DYNC2H1: variants seen among roughly 807,000 people sequenced by gnomAD.
The protein encoded by DYNC2H1 is cytoplasmic dynein 2 heavy chain 1.
Under a neutral mutation model 570.0 loss-of-function variants are expected in DYNC2H1, and 410 were observed. The ratio of observed to expected loss-of-function variants is 0.72; its 90% CI spans 0.66 to 0.78. DYNC2H1 has a LOEUF of 0.78. Among genes scored for constraint, DYNC2H1 ranks in the 30% least tolerant of loss-of-function variants. DYNC2H1 has a pLI of 0.00. For synonymous variants in DYNC2H1, 1,688 were observed against 1,677.6 expected, an observed-to-expected ratio of 1.01 and a Z score of -0.15; for missense variants, 4,865 against 5,046.4, an observed-to-expected ratio of 0.96 and a Z score of 1.09.
intron 45 of DYNC2H1, among the ~76,000 whole-genome samples, chr11:103,190,135 A>T (rs1284201828): frequency 6.6e-6 from 1 of 152,194 alleles, no homozygotes; most frequent in East Asian, 1.9e-4. Flanking sequence ...CCTGACTTCT[A>T]TCAGTTTGTG....
chr11:103,344,471 C>T (rs1939637069), intron 82 of DYNC2H1, among the ~76,000 whole-genome samples: 1 of 152,196 alleles, frequency 6.6e-6, no homozygotes, highest in Non-Finnish European at 1.5e-5. Flanking sequence ...CACTTTGTTG[C>T]AGCCACACCT....
Position 103,109,445 on chromosome 11 carries a change from A to C in DYNC2H1, c.-130A>C. ...GTCGCCATAGCGACTACCCCTGGCA[A>C]CCGCGAAGCTCTGCGGTCCCGCGGT... On this transcript the variant is annotated 5_prime_UTR_variant, in exon 1 of 89. Transcript: ENST00000375735. 1 of 904,266 alleles carries C rather than the reference A, an allele frequency of 1.1e-6. No individual in the cohort carries two copies. The highest frequency in any genetic ancestry group is 1.6e-6 in the Non-Finnish European group (1 of 622,676). The allele number at this position is 904,266 out of a possible 1,614,324, so 56.0% of individuals were successfully genotyped here. A position where few individuals can be genotyped will look rare whatever the true frequency, so the allele number is the denominator to read the frequency against.
At chr11:103,408,173 A>G (rs1378189346) in intron 84 of DYNC2H1, 1 of 151,960 alleles carries the variant, frequency 6.6e-6, no homozygotes, top group African/African-American at 2.4e-5. Flanking sequence ...TATAAAGGGT[A>G]ACGGTAGATG....
intron 83 of DYNC2H1, among the ~76,000 whole-genome samples, chr11:103,365,043 A>G (rs1940836490): frequency 6.6e-6 from 1 of 152,162 alleles, no homozygotes; most frequent in African/African-American, 2.4e-5. Flanking sequence ...AATTTGTAGA[A>G]TATTTTACAT....
At chr11:103,414,204 G>A (rs912948715) in intron 84 of DYNC2H1, among the ~76,000 whole-genome samples, 1 of 152,132 alleles carries the variant, frequency 6.6e-6, no homozygotes, top group Non-Finnish European at 1.5e-5. Flanking sequence ...ACAAGTATCA[G>A]GAATTAGAGA....
Position 103,277,821 on chromosome 11 carries a change from T to A in DYNC2H1, c.10696-2527T>A, listed in dbSNP as rs1186355797. ...CTGTGCTCGGCACAAGTATGATGTT[T>A]AATTTTTTCAGAGGACGCTTTTCTT... On this transcript the variant is annotated intron_variant, in intron 70 of 88. Transcript: ENST00000375735. This position sits in a 1 kb window ranked among gnomAD's most constrained non-coding sequence, Gnocchi z 4.3. Among the ~76,000 whole-genome samples the A allele has an allele frequency of 1.3e-5, 2 of 152,232 alleles. No homozygotes were observed. The highest frequency in any genetic ancestry group is 4.8e-5 in the African/African-American group (2 of 41,470).
At chr11:103,215,258 C>G (rs893273449) in intron 54 of DYNC2H1, among the ~76,000 whole-genome samples, 7 of 152,120 alleles carry the variant, frequency 4.6e-5, no homozygotes, top group Admixed American at 2.6e-4. Flanking sequence ...CAGCTGTTCC[C>G]CATTCAGTGT....
At position 103,256,776 on chromosome 11, in the gene DYNC2H1, A is replaced by C. The variant is rs1865073931; in HGVS notation, c.10461+536A>C. 6.6e-6 allele frequency among the ~76,000 whole-genome samples: 1 copy of C among 152,152 alleles called. No individual in the cohort carries two copies. Among genetic ancestry groups the C allele is most frequent in the Non-Finnish European group, 1.5e-5 (1 of 68,024 alleles). ...TCACCAATCCTATACTCATAGTTCG[A>C]ACTTTTCTTCACATCAGAGATAGCC... On this transcript the variant is annotated intron_variant, in intron 68 of 88. Coordinates refer to ENST00000375735, the MANE Select transcript of DYNC2H1 (RefSeq NM_001377.3). The surrounding 1 kb of genome is among the most constrained non-coding windows in gnomAD (Gnocchi z 4.0).
chr11:103,347,590 G>C (rs2135501018), intron 82 of DYNC2H1, among the ~76,000 whole-genome samples: 1 of 152,108 alleles, frequency 6.6e-6, no homozygotes, highest in Non-Finnish European at 1.5e-5. Context: ...GGGTATCTTT[G>C]GGTTTCTTTG....
intron 73 of DYNC2H1, among the ~76,000 whole-genome samples, chr11:103,283,296 T>C (rs970056471): frequency 3.3e-5 from 5 of 151,820 alleles, no homozygotes; most frequent in Non-Finnish European, 7.4e-5. Flanking sequence ...GCCTTCCAAA[T>C]ACAGTATTTT....
chr11:103,382,912 C>T (rs1047642745), intron 83 of DYNC2H1, among the ~76,000 whole-genome samples: 1 of 152,104 alleles, frequency 6.6e-6, no homozygotes, highest in African/African-American at 2.4e-5. Context: ...TGTTGGAGAG[C>T]TCAAAGAGCA....
At chr11:103,193,667 C>T in intron 47 of DYNC2H1, among the ~76,000 whole-genome samples, 1 of 151,990 alleles carries the variant, frequency 6.6e-6, no homozygotes, top group Non-Finnish European at 1.5e-5. Flanking sequence ...CCTCAGCCTC[C>T]CGAGTAGCTG....
chr11:103,431,735 T>C (rs1309539723), intron 84 of DYNC2H1, among the ~76,000 whole-genome samples: 2 of 152,170 alleles, frequency 1.3e-5, no homozygotes. Flanking sequence ...ATCCTGTTGA[T>C]TGTGGAAGTG....
intron 70 of DYNC2H1, among the ~76,000 whole-genome samples, chr11:103,273,304 C>G (rs1001564770): frequency 1.3e-5 from 2 of 152,030 alleles, no homozygotes; most frequent in African/African-American, 2.4e-5. Context: ...ATCCTCCCAC[C>G]TCAGCCTCCC....
chr11:103,314,299 A>ATTACAAGCACAGCTCTGTACCTTGCTTTT (rs2135422876), intron 79 of DYNC2H1, among the ~76,000 whole-genome samples: 1 of 152,264 alleles, frequency 6.6e-6, no homozygotes, highest in Non-Finnish European at 1.5e-5. Context: ...TAGGTAGCAT[A>ATTACAAGCACAGCTCTGTACCTTGCTTTT]TTACAAGCAC....
In DYNC2H1 at chr11:103,158,677, A is replaced by T. The variant is rs1319611333; in HGVS notation, c.4128A>T (p.Arg1376Ser). ...GAAGATACTTTTTTTTCTTTTGTAGATCAATAATGACTGATATCAAGAAAG... is the reference window on the plus strand; with the variant it reads ...GAAGATACTTTTTTTTCTTTTGTAGTTCAATAATGACTGATATCAAGAAAG... Reference protein sequence around the residue: ...TRFNRVDEDFRSIMTDIKKDN... With the variant: ...TRFNRVDEDFSSIMTDIKKDN... Residue 1376 changes from arginine (R) to serine (S), a missense_variant and splice_region_variant, in exon 27 of 89, where the codon AGA becomes AGT. By Grantham distance (110) the Arg-to-Ser change is moderately radical. Around this residue, in one of 5 missense-constraint regions of DYNC2H1, gnomAD observed 1,936 missense variants for 1,962.1 expected, o/e 0.99. Coordinates refer to ENST00000375735, the MANE Select transcript of DYNC2H1 (RefSeq NM_001377.3). 2 of 1,522,570 alleles carry T rather than the reference A, an allele frequency of 1.3e-6. No individual in the cohort carries two copies. Among genetic ancestry groups the T allele is most frequent in the Admixed American group, 4.5e-5 (2 of 44,664 alleles). 94.3% of individuals were successfully genotyped at this position (1,522,570 alleles called of 1,614,324 possible). A position where few individuals can be genotyped will look rare whatever the true frequency, so the allele number is the denominator to read the frequency against.
intron 79 of DYNC2H1, among the ~76,000 whole-genome samples, chr11:103,315,953 ATTTT>A (rs1937804059): frequency 1.3e-5 from 2 of 152,036 alleles, no homozygotes; most frequent in South Asian, 4.1e-4. Context: ...ATTTGAACTT[ATTTT>A]ATTACTTAGA....
At chr11:103,113,813 TTTAA>T (rs1773760422) in intron 2 of DYNC2H1, 106 bp downstream of exon 2, 4 of 959,506 alleles carry the variant, frequency 4.2e-6, no homozygotes, top group Middle Eastern at 7.0e-4. Flanking sequence ...GTGTTTTAAT[TTTAA>T]TTAAAATATC....
intron 84 of DYNC2H1, among the ~76,000 whole-genome samples, chr11:103,401,573 TATG>T (rs1942645118): frequency 6.6e-6 from 1 of 152,156 alleles, no homozygotes; most frequent in African/African-American, 2.4e-5. Flanking sequence ...ACCGCTGGAA[TATG>T]TCTGCCTGTT....
Sources: allele counts gnomAD v4.1 joint callset (sites outside exome capture counted in the v4.1 genomes callset), GRCh38; gene constraint gnomAD v4.1.1; regional missense constraint gnomAD v4.1.1; non-coding constraint Gnocchi (gnomAD v3.1); transcripts MANE v1.5; gene names NCBI Gene and HGNC (gene_info 2026-07-23, HGNC 2026-07-21).